CDC42BPG: variants seen among roughly 807,000 people sequenced by gnomAD.
The protein encoded by CDC42BPG is serine/threonine-protein kinase MRCK gamma.
Under a neutral mutation model 192.2 loss-of-function variants are expected in CDC42BPG, and 157 were observed. The ratio of observed to expected loss-of-function variants is 0.82; its 90% confidence interval spans 0.72 to 0.93. The LOEUF (loss-of-function observed/expected upper bound fraction) is 0.93. Ranked by LOEUF, CDC42BPG falls within the 40% of genes least tolerant of loss-of-function variation. The probability of loss-of-function intolerance (pLI) is 0.00; values close to 1 mark genes in which losing one functional copy is unlikely to be tolerated. For missense variants in CDC42BPG, 1,992 were observed against 2,122.1 expected (o/e 0.94, Z 1.20); for synonymous variants, 981 against 918.5 (o/e 1.07, Z -1.23).
At position 64,839,528 on chromosome 11, in the gene CDC42BPG, T is replaced by G. The variant is rs746877462; in HGVS notation, c.625A>C (p.Ile209Leu). The G allele has an allele frequency of 6.2e-7, 1 of 1,613,238 alleles. No homozygotes were observed. Among genetic ancestry groups the G allele is most frequent in the Non-Finnish European group, 8.5e-7 (1 of 1,179,984 alleles). ...DNVLLDVNGH[I>L]RLADFGSCLR... ...CAGGAGCCGAAGTCAGCCAGGCGAA[T>G]GTGCCCGTTCACATCCAGCAGGACG... is the stretch of plus-strand genomic sequence containing the variant. Residue 209 changes from isoleucine (I) to leucine (L), a missense_variant, in exon 6 of 37, where the codon ATT becomes CTT. Transcript: ENST00000342711.
At chr11:64,835,199 T>C in intron 16 of CDC42BPG, 46 bp from the exon 17 acceptor site, 1 of 1,602,142 alleles carries the variant, frequency 6.2e-7, no homozygotes, top group Non-Finnish European at 8.5e-7. Context: ...CCAGCAGTCC[T>C]GGGACTGCCG....
At chr11:64,826,321 G>A in intron 36 of CDC42BPG, 149 bp downstream of exon 36, 1 of 651,816 alleles carries the variant, frequency 1.5e-6, no homozygotes, top group Non-Finnish European at 2.8e-6. Flanking sequence ...CTGGTGGGGT[G>A]AGACAGGTAA....
intron 5 of CDC42BPG, 130 bp from the exon 6 acceptor site, chr11:64,839,701 CAT>C (rs1943192971): frequency 5.7e-6 from 4 of 698,154 alleles, no homozygotes; most frequent in Non-Finnish European, 7.2e-6. Context: ...TGTAGGTGCT[CAT>C]GTGATGAGCA....
intron 1 of CDC42BPG, among the ~76,000 whole-genome samples, chr11:64,844,168 T>G (rs1943401051): frequency 6.6e-6 from 1 of 151,760 alleles, no homozygotes; most frequent in Non-Finnish European, 1.5e-5. Context: ...CAAGTTGGTA[T>G]GTGTGTGCAT....
At position 64,833,843 on chromosome 11, in the gene CDC42BPG, G is replaced by A. The variant is rs1268479847; in HGVS notation, c.2467-7C>T. 3.1e-6 allele frequency: 5 copies of A among 1,614,124 alleles called. No individual in the cohort carries two copies. Among genetic ancestry groups the A allele is most frequent in the Non-Finnish European group, 4.2e-6 (5 of 1,180,034 alleles). On this transcript the variant is annotated splice_polypyrimidine_tract_variant and splice_region_variant and intron_variant, in intron 21 of 36. Coordinates refer to ENST00000342711, the MANE Select transcript of CDC42BPG (RefSeq NM_017525.3). Reference sequence around the variant, plus strand: ...GGTCCTTGGCAGAATCCTTCTGGGGGTGGGAGAGAGAGGAGCAAAGTCAAG... The same window carrying A: ...GGTCCTTGGCAGAATCCTTCTGGGGATGGGAGAGAGAGGAGCAAAGTCAAG...
intron 5 of CDC42BPG, among the ~76,000 whole-genome samples, 187 bp downstream of exon 5, chr11:64,839,933 G>A (rs552996177): frequency 6.6e-6 from 1 of 152,176 alleles, no homozygotes; most frequent in Non-Finnish European, 1.5e-5. Context: ...GCTGCAGGCC[G>A]GACACAGCAG....
At chr11:64,843,589 G>A (rs559477622) in intron 1 of CDC42BPG, among the ~76,000 whole-genome samples, 4 of 152,318 alleles carry the variant, frequency 2.6e-5, no homozygotes, top group African/African-American at 9.6e-5. Context: ...GCCCTGGCCA[G>A]GCCCCCGTGC....
chr11:64,831,097 A>G (rs1706989486), intron 28 of CDC42BPG, among the ~76,000 whole-genome samples: 1 of 152,150 alleles, frequency 6.6e-6, no homozygotes, highest in South Asian at 2.1e-4. Flanking sequence ...GCATGCCTGC[A>G]ATCCCAGCTA....
rs941937268 is a variant in CDC42BPG at position 64,836,172 on chromosome 11, C to T, written c.1613G>A (p.Ser538Asn). The T allele has an allele frequency of 1.3e-6, 2 of 1,593,966 alleles. No homozygotes were observed. The highest frequency in any genetic ancestry group is 1.3e-5 in the African/African-American group (1 of 74,652). The change falls in exon 13 of 37, where the codon AGC becomes AAC. Residue 538 changes from serine (S) to asparagine (N), a missense_variant. By Grantham distance (46) the Ser-to-Asn change is conservative. Coordinates refer to ENST00000342711, the MANE Select transcript of CDC42BPG (RefSeq NM_017525.3). ...EAQEREAATA[S>N]QTRALSSQLE... ...CTGGGAGCTCAGGGCCCGGGTCTGG[C>T]TAGCTGTGGCCGCCTCTCTCTCCTG...
Position 64,840,585 on chromosome 11 carries a change from G to C in CDC42BPG, c.400C>G (p.Leu134Val). Residue 134 changes from leucine (L) to valine (V), a missense_variant, in exon 4 of 37, where the codon CTG (leucine) becomes GTG (valine). Leu to Val is a conservative substitution (Grantham distance 32, BLOSUM62 1). Transcript: ENST00000342711. The part of the protein sequence containing the change: ...VKGDSRWVTT[L>V]HYAFQDEEYL... The stretch of plus-strand genomic sequence containing the variant: ...TCCTCGTCTTGGAAGGCATAGTGCA[G>C]AGTGGTCACCCAACGGCTGTCCCCT... 7 of 1,614,022 alleles carry C rather than the reference G, an allele frequency of 4.3e-6. No individual in the cohort carries two copies. Among genetic ancestry groups the C allele is most frequent in the Non-Finnish European group, 5.9e-6 (7 of 1,180,022 alleles).
At chr11:64,838,989 G>C (rs756097701) in intron 7 of CDC42BPG, 44 bp downstream of exon 7, 8 of 1,612,302 alleles carry the variant, frequency 5.0e-6, no homozygotes, top group Non-Finnish European at 6.8e-6. Context: ...CAGACTCAGG[G>C]GTCCCACTGC....
rs1411396143 is a variant in CDC42BPG, at chr11:64,838,878, C to T, written c.901G>A (p.Val301Met). ...TGGGCGCTGGCTGGCACGTCAGGCACGTCCGGGGGGAACTGCAGGTGGTCC... is the reference window on the plus strand; with the variant it reads ...TGGGCGCTGGCTGGCACGTCAGGCATGTCCGGGGGGAACTGCAGGTGGTCC... ...HEDHLQFPPD[V>M]PDVPASAQDL... is the part of the protein sequence containing the mutation. The change falls in exon 8 of 37, where the codon GTG becomes ATG. Residue 301 changes from valine to methionine, a missense_variant. Physicochemically the swap from Val to Met is conservative, Grantham distance 21. Coordinates refer to ENST00000342711, the MANE Select transcript of CDC42BPG (RefSeq NM_017525.3). 29 of 1,583,134 alleles carry T rather than the reference C, an allele frequency of 1.8e-5. No homozygotes were observed. Among genetic ancestry groups the T allele is most frequent in the Middle Eastern group, 1.7e-4 (1 of 6,016 alleles).
chr11:64,827,834 G>C (rs1184097020), intron 30 of CDC42BPG, 51 bp from the exon 31 acceptor site: 1 of 1,483,736 alleles, frequency 6.7e-7, no homozygotes, highest in East Asian at 2.3e-5. Flanking sequence ...GTTCCACAGG[G>C]AACACCTTGT....
chr11:64,833,333 C>T lies in CDC42BPG; in HGVS notation c.2629G>A (p.Gly877Ser), dbSNP rs1308769006. The change falls in exon 24 of 37, where the codon GGC (glycine) becomes AGC (serine). Residue 877 changes from glycine to serine, a missense_variant. By Grantham distance (56) the Gly-to-Ser change is moderately conservative. Around this residue, in one of 2 missense-constraint regions of CDC42BPG, gnomAD observed 1,656 missense variants for 1,844.3 expected, o/e 0.90. Transcript: ENST00000342711. ...CTCCGGGGGCGCAGCGTGTGTGAGC[C>T]GGGCTGGGGAGGGGGACAGCCATTA... ...ASTEGLPAKP[G>S]SHTLRPRSFP... 41 of 1,501,198 alleles carry T rather than the reference C, an allele frequency of 2.7e-5. No individual in the cohort carries two copies. The highest frequency in any genetic ancestry group is 1.8e-4 in the Middle Eastern group (1 of 5,588). The allele number at this position is 1,501,198 out of a possible 1,614,324, so 93.0% of individuals were successfully genotyped here. A position where few individuals can be genotyped will look rare whatever the true frequency, so the allele number is the denominator to read the frequency against.
At chr11:64,826,868 C>T in intron 34 of CDC42BPG, 74 bp from the exon 35 acceptor site, 3 of 1,431,746 alleles carry the variant, frequency 2.1e-6, no homozygotes, top group Non-Finnish European at 2.8e-6. Flanking sequence ...CACAACAGAC[C>T]AGGACAAATG....
chr11:64,836,281 G>C lies in CDC42BPG; in HGVS notation c.1504C>G (p.Arg502Gly). The change falls in exon 13 of 37, where the codon CGG (arginine) becomes GGG (glycine). Residue 502 changes from arginine to glycine, a missense_variant. Around this residue, in one of 2 missense-constraint regions of CDC42BPG, gnomAD observed 1,656 missense variants for 1,844.3 expected, o/e 0.90. Coordinates refer to ENST00000342711, the MANE Select transcript of CDC42BPG (RefSeq NM_017525.3). Reference sequence around the variant, plus strand: ...TGCTCCTGAGCCTGCAGCCCTGCCCGACCCTCGGCCAGCTCCTGAGGAGGC... The same window carrying C: ...TGCTCCTGAGCCTGCAGCCCTGCCCCACCCTCGGCCAGCTCCTGAGGAGGC... ...DRLHRELAEGRAGLQAQEQEL... is the reference protein window; with the variant it reads ...DRLHRELAEGGAGLQAQEQEL... 1 of 1,604,842 alleles carries C rather than the reference G, an allele frequency of 6.2e-7. No individual in the cohort carries two copies. Among genetic ancestry groups the C allele is most frequent in the South Asian group, 1.1e-5 (1 of 90,416 alleles).
At chr11:64,832,793 T>C in intron 25 of CDC42BPG, 33 bp downstream of exon 25, 1 of 1,592,318 alleles carries the variant, frequency 6.3e-7, no homozygotes, top group Non-Finnish European at 8.5e-7. Context: ...CAGCCCCCCA[T>C]GCCCATCTTC....
intron 23 of CDC42BPG, 103 bp from the exon 24 acceptor site, chr11:64,833,439 C>T (rs71539681): frequency 0.032 from 30,426 of 951,238 alleles, 590 homozygotes; most frequent in Non-Finnish European, 0.041. Flanking sequence ...CAGTGACCTC[C>T]GAGTCCCAGC....
In CDC42BPG at chr11:64,832,757, A is replaced by C. The variant is rs1942759374; in HGVS notation, c.2866-14T>G. ...GGGCCGCGGCACCTGGCGGAAAGGC[A>C]AGCATGGGAGGGCTGCAGGGACCCT... On this transcript the variant is annotated splice_polypyrimidine_tract_variant and intron_variant, in intron 25 of 36. Transcript: ENST00000342711. 1 of 1,599,902 alleles carries C rather than the reference A, an allele frequency of 6.3e-7. No individual in the cohort carries two copies. Among genetic ancestry groups the C allele is most frequent in the African/African-American group, 1.3e-5 (1 of 74,406 alleles).
Sources: gnomAD v4.1 joint callset for allele counts (sites outside exome capture counted in the v4.1 genomes callset) on GRCh38, gnomAD v4.1.1 for gene constraint, gnomAD v4.1.1 regional missense constraint, MANE v1.5 for transcripts, NCBI Gene and HGNC (gene_info 2026-07-23, HGNC 2026-07-21) for gene names.